SRBD1: variants seen among roughly 807,000 people sequenced by gnomAD.
SRBD1 encodes the protein S1 RNA binding domain 1, also known as S1 RNA-binding domain-containing protein 1.
Under a neutral mutation model 115.3 loss-of-function variants are expected in SRBD1, and 88 were observed. That is an observed-to-expected ratio of 0.76 (90% CI 0.64 to 0.91). The LOEUF is 0.91. SRBD1 is among the 40% of genes least tolerant of loss of function. The pLI is 0.00. For synonymous variants in SRBD1, 509 were observed against 407.7 expected, an observed-to-expected ratio of 1.25 and a Z score of -2.99; for missense variants, 1,385 against 1,177.4, an observed-to-expected ratio of 1.18 and a Z score of -2.58.
chr2:45,596,638 T>A (rs1572822636), intron 4 of SRBD1, among the ~76,000 whole-genome samples: 1 of 152,322 alleles, frequency 6.6e-6, no homozygotes, highest in South Asian at 2.1e-4. Flanking sequence ...ACCCATTGCA[T>A]CTACTAATCC....
intron 16 of SRBD1, among the ~76,000 whole-genome samples, chr2:45,472,167 T>C (rs1472243833): frequency 2.0e-5 from 3 of 152,026 alleles, no homozygotes; most frequent in Admixed American, 6.6e-5. Flanking sequence ...TAAAGAAGAA[T>C]GAAGTACTGA....
intron 14 of SRBD1, among the ~76,000 whole-genome samples, chr2:45,502,874 C>T (rs921200034): frequency 1.3e-5 from 2 of 151,888 alleles, no homozygotes; most frequent in African/African-American, 4.8e-5. Flanking sequence ...TGCTGGAGTA[C>T]AGTGGCATGA....
chr2:45,405,720 G>A (rs1358497894), intron 19 of SRBD1, among the ~76,000 whole-genome samples: 3 of 151,584 alleles, frequency 2.0e-5, no homozygotes, highest in Non-Finnish European at 4.4e-5. Context: ...TAGAAGGTTG[G>A]TAAGTTGATA....
rs1667756719 is a variant in SRBD1 at position 45,414,868 on chromosome 2, A to ATACAATATAGTGTGTATATAGTATG, written c.2334-1576_2334-1575insCATACTATATACACACTATATTGTA. ...CATATAGTGTGTATATAGTATGTAC[A>ATACAATATAGTGTGTATATAGTATG]CACAATATAGTGTGTATATAGTATG... On this transcript the variant is annotated intron_variant, in intron 18 of 20. Transcript: ENST00000263736. Among the ~76,000 whole-genome samples the ATACAATATAGTGTGTATATAGTATG allele has an allele frequency of 2.8e-5, 4 of 144,810 alleles. 1 individual carries two copies. In the South Asian group the frequency reaches 8.5e-4, roughly 31 times the overall value.
chr2:45,610,937 A>G (rs1166397275), intron 1 of SRBD1, among the ~76,000 whole-genome samples: 1 of 152,046 alleles, frequency 6.6e-6, no homozygotes, highest in East Asian at 1.9e-4. Context: ...CAAAAAAAAA[A>G]AAAACAGGCT....
At chr2:45,485,516 G>T (rs944619549) in intron 15 of SRBD1, among the ~76,000 whole-genome samples, 1 of 152,064 alleles carries the variant, frequency 6.6e-6, no homozygotes, top group South Asian at 2.1e-4. Context: ...ATCCATAATA[G>T]ACAGTTTAAT....
chr2:45,550,466 T>A (rs1465677618), intron 12 of SRBD1, among the ~76,000 whole-genome samples: 1 of 146,144 alleles, frequency 6.8e-6, no homozygotes, highest in Non-Finnish European at 1.5e-5. Flanking sequence ...ACAGTTTGGC[T>A]GACTTCTCAA....
chr2:45,537,490 G>C (rs1671800554), intron 14 of SRBD1, among the ~76,000 whole-genome samples: 1 of 152,142 alleles, frequency 6.6e-6, no homozygotes, highest in Non-Finnish European at 1.5e-5. Flanking sequence ...CATAGTCTTG[G>C]TTCTGAGGGA....
intron 16 of SRBD1, among the ~76,000 whole-genome samples, chr2:45,458,752 C>T (rs1324261150): frequency 6.6e-6 from 1 of 152,092 alleles, no homozygotes; most frequent in Non-Finnish European, 1.5e-5. Context: ...AGAACACACA[C>T]AAAACACCCT....
chr2:45,550,369 A>G (rs528772557), intron 12 of SRBD1, among the ~76,000 whole-genome samples: 1 of 152,130 alleles, frequency 6.6e-6, no homozygotes, highest in South Asian at 2.1e-4. Context: ...GAAGCACATC[A>G]TAAGAAAACT....
rs200921553 is a variant in SRBD1, at chr2:45,389,305, G to C, written c.*5C>G. On this transcript the variant is annotated 3_prime_UTR_variant, in exon 21 of 21. Coordinates refer to ENST00000263736, the MANE Select transcript of SRBD1 (RefSeq NM_018079.5). ...TAAAATCAGCGTCTGGCCTTCGTGG[G>C]ATACTCATAACACCCGAATGAGGTC... is the stretch of plus-strand genomic sequence containing the variant. 6.8e-5 allele frequency: 110 copies of C among 1,609,354 alleles called. No homozygotes were observed. The highest frequency in any genetic ancestry group is 2.2e-4 in the Admixed American group (13 of 59,610).
At chr2:45,492,793 A>G (rs1234025512) in intron 14 of SRBD1, among the ~76,000 whole-genome samples, 2 of 152,212 alleles carry the variant, frequency 1.3e-5, no homozygotes, top group South Asian at 4.1e-4. Flanking sequence ...TTCATTTACA[A>G]GATTTCATGA....
chr2:45,528,119 T>C (rs886956356), intron 14 of SRBD1, among the ~76,000 whole-genome samples: 1 of 151,920 alleles, frequency 6.6e-6, no homozygotes, highest in Non-Finnish European at 1.5e-5. Context: ...ATGAATAAAC[T>C]GTTGATTACA....
chr2:45,491,565 T>C (rs1021750402), intron 14 of SRBD1, among the ~76,000 whole-genome samples: 5 of 152,176 alleles, frequency 3.3e-5, no homozygotes, highest in Non-Finnish European at 7.4e-5. Context: ...TTTCAAGCTT[T>C]AGATATAAGA....
chr2:45,531,549 A>T (rs1671612756), intron 14 of SRBD1, among the ~76,000 whole-genome samples: 2 of 151,466 alleles, frequency 1.3e-5, no homozygotes, highest in South Asian at 4.2e-4. Flanking sequence ...TACAGTAAAG[A>T]CGATAGGAAT....
At chr2:45,607,502 C>G (rs1674309779) in intron 1 of SRBD1, among the ~76,000 whole-genome samples, 1 of 152,070 alleles carries the variant, frequency 6.6e-6, no homozygotes, top group Non-Finnish European at 1.5e-5. Context: ...TGGAGGTTTT[C>G]CTAAATATGA....
chr2:45,496,944 A>T (rs796922837), intron 14 of SRBD1, among the ~76,000 whole-genome samples: 19 of 152,346 alleles, frequency 1.2e-4, no homozygotes, highest in African/African-American at 4.6e-4. Flanking sequence ...CATGCTATGT[A>T]CAGATCAGCC....
intron 16 of SRBD1, among the ~76,000 whole-genome samples, chr2:45,433,996 A>G (rs1289322101): frequency 1.3e-5 from 2 of 152,238 alleles, no homozygotes; most frequent in African/African-American, 4.8e-5. Context: ...CACAGATTGA[A>G]GCATGGCCAG....
chr2:45,534,034 A>G lies in SRBD1; in HGVS notation c.1874+12698T>C, dbSNP rs117804284. ...GGGGCTACAGTGAGGGGGTGGGGTAACTCCTGCAGATATTTAAATTGGACT... is the reference window on the plus strand; with the variant it reads ...GGGGCTACAGTGAGGGGGTGGGGTAGCTCCTGCAGATATTTAAATTGGACT... On this transcript the variant is annotated intron_variant, in intron 14 of 20. Transcript: ENST00000263736. Among the ~76,000 whole-genome samples the G allele has an allele frequency of 3.8e-3, 577 of 152,022 alleles. 24 individuals are homozygous for G. In the East Asian group the frequency reaches 0.093, roughly 24 times the overall value.
Sources: allele counts gnomAD v4.1 joint callset (sites outside exome capture counted in the v4.1 genomes callset), GRCh38; gene constraint gnomAD v4.1.1; transcripts MANE v1.5; gene names NCBI Gene and HGNC (gene_info 2026-07-23, HGNC 2026-07-21).